PAG1: variants seen among roughly 807,000 people sequenced by gnomAD.
The protein encoded by PAG1 is phosphoprotein membrane anchor with glycosphingolipid microdomains 1.
A neutral mutation model predicts 31.7 loss-of-function variants in PAG1; 23 were observed. That is an observed-to-expected ratio of 0.73 (90% CI 0.52 to 1.03). The LOEUF (loss-of-function observed/expected upper bound fraction) is 1.03. Among genes scored for constraint, PAG1 ranks in the 50% least tolerant of loss-of-function variants. The pLI is 0.00. For missense variants in PAG1, 473 were observed against 540.7 expected (o/e 0.87, Z 1.24); for synonymous variants, 214 against 210.3 (o/e 1.02, Z -0.15).
chr8:81,104,535 G>A (rs1285217556), intron 1 of PAG1, among the ~76,000 whole-genome samples: 1 of 152,018 alleles, frequency 6.6e-6, no homozygotes, highest in Non-Finnish European at 1.5e-5. Flanking sequence ...ACTGCCAATT[G>A]CATCTCAGGT....
intron 2 of PAG1, among the ~76,000 whole-genome samples, chr8:81,051,788 A>G (rs887083580): frequency 6.6e-6 from 1 of 152,184 alleles, no homozygotes; most frequent in Non-Finnish European, 1.5e-5. Context: ...AGTTACGTAA[A>G]AAATGCATTT....
intron 1 of PAG1, among the ~76,000 whole-genome samples, chr8:81,081,451 T>C (rs917985828): frequency 2.6e-5 from 4 of 152,172 alleles, no homozygotes; most frequent in African/African-American, 9.7e-5. Context: ...CCCTCACTGG[T>C]AACTTCTTGC....
chr8:81,013,756 T>A (rs1335618187), intron 3 of PAG1, among the ~76,000 whole-genome samples: 3 of 152,150 alleles, frequency 2.0e-5, no homozygotes, highest in Non-Finnish European at 4.4e-5. Flanking sequence ...ATTTTTGTAT[T>A]TTTTGTAGAG....
At chr8:81,007,636 C>CAAAAAAA (rs58612249) in intron 3 of PAG1, among the ~76,000 whole-genome samples, 2 of 49,704 alleles carry the variant, frequency 4.0e-5, no homozygotes, top group African/African-American at 1.7e-4. Context: ...GACTCTGTCT[C>CAAAAAAA]AAAAAAAAAA....
chr8:81,073,818 G>A (rs1809132129), intron 1 of PAG1, among the ~76,000 whole-genome samples: 1 of 152,212 alleles, frequency 6.6e-6, no homozygotes, highest in African/African-American at 2.4e-5. Flanking sequence ...TGTGGAGGTA[G>A]GGACTGCCTG....
At chr8:81,035,104 A>G (rs1808441673) in intron 2 of PAG1, among the ~76,000 whole-genome samples, 1 of 152,162 alleles carries the variant, frequency 6.6e-6, no homozygotes. Flanking sequence ...GCTATCAGCA[A>G]AGAGTAAATA....
intron 2 of PAG1, among the ~76,000 whole-genome samples, chr8:81,052,378 C>A (rs1322176664): frequency 6.6e-6 from 1 of 152,112 alleles, no homozygotes; most frequent in Admixed American, 6.6e-5. Context: ...TCAGTAGCCC[C>A]CACCACTGCA....
At chr8:81,042,707 A>G (rs1206947666) in intron 2 of PAG1, among the ~76,000 whole-genome samples, 1 of 152,228 alleles carries the variant, frequency 6.6e-6, no homozygotes, top group East Asian at 1.9e-4. Context: ...GAAAACACAG[A>G]CAGGAACAAG....
chr8:81,048,660 T>C (rs755282824), intron 2 of PAG1, among the ~76,000 whole-genome samples: 1 of 152,230 alleles, frequency 6.6e-6, no homozygotes. Flanking sequence ...TTTTATCTTA[T>C]CTTTCAGTTT....
At chr8:80,978,471 G>T (rs1807228711) in intron 8 of PAG1, among the ~76,000 whole-genome samples, 1 of 152,172 alleles carries the variant, frequency 6.6e-6, no homozygotes, top group Admixed American at 6.5e-5. Context: ...ATGGTGAGGG[G>T]AGACGGCATA....
At chr8:81,076,384 G>A (rs1809178200) in intron 1 of PAG1, among the ~76,000 whole-genome samples, 1 of 152,198 alleles carries the variant, frequency 6.6e-6, no homozygotes, top group Admixed American at 6.5e-5. Flanking sequence ...GTGACTAGAT[G>A]GGCCTGAGGT....
At chr8:81,103,153 GGA>G (rs1563431761) in intron 1 of PAG1, among the ~76,000 whole-genome samples, 1 of 140,598 alleles carries the variant, frequency 7.1e-6, no homozygotes. Context: ...TCATTTTGTG[GGA>G]AAAAAAAAAA....
At chr8:81,000,466 G>A (rs1021051093) in intron 3 of PAG1, among the ~76,000 whole-genome samples, 1 of 152,126 alleles carries the variant, frequency 6.6e-6, no homozygotes, top group African/African-American at 2.4e-5. Context: ...CCAGGCTGGA[G>A]TGCAGTGGCG....
At chr8:81,002,086 G>A (rs1213441051) in intron 3 of PAG1, among the ~76,000 whole-genome samples, 1 of 152,194 alleles carries the variant, frequency 6.6e-6, no homozygotes, top group Non-Finnish European at 1.5e-5. Context: ...CACCAGCTTT[G>A]CTGTGATGGA....
At chr8:81,026,652 C>T (rs1041871545) in intron 3 of PAG1, among the ~76,000 whole-genome samples, 2 of 151,934 alleles carry the variant, frequency 1.3e-5, no homozygotes, top group African/African-American at 4.8e-5. Context: ...TCAGTGGTTA[C>T]CGGAAATTCC....
At chr8:81,096,755 G>C (rs1442696319) in intron 1 of PAG1, among the ~76,000 whole-genome samples, 2 of 152,174 alleles carry the variant, frequency 1.3e-5, no homozygotes, top group African/African-American at 4.8e-5. Flanking sequence ...AGGATGCCCA[G>C]TTAAGAAAGG....
At position 81,076,143 on chromosome 8, in the gene PAG1, C is replaced by A. The variant is rs956895689; in HGVS notation, c.-233-5973G>T. ...TTCTGCTTTCAAGAGAAAATGCCAG[C>A]AATGACTTCTTATCTGATCCTTTCC... On this transcript the variant is annotated intron_variant, in intron 1 of 8. Coordinates refer to ENST00000220597, the MANE Select transcript of PAG1 (RefSeq NM_018440.4). Among the ~76,000 whole-genome samples, 6 of 152,356 alleles carry A rather than the reference C, an allele frequency of 3.9e-5. No homozygotes were observed. In the East Asian group the frequency reaches 1.2e-3, roughly 29 times the overall value.
At chr8:81,082,917 T>C (rs11986536) in intron 1 of PAG1, among the ~76,000 whole-genome samples, 10,330 of 152,214 alleles carry the variant, frequency 0.068, 1,173 homozygotes, top group African/African-American at 0.23. Flanking sequence ...ACTGCTTTTT[T>C]TTTTCTTCAT....
intron 2 of PAG1, among the ~76,000 whole-genome samples, chr8:81,062,023 T>C (rs1469607852): frequency 6.6e-6 from 1 of 152,218 alleles, no homozygotes; most frequent in East Asian, 1.9e-4. Context: ...AAATACTACA[T>C]ATTTATTATA....
Sources: allele counts gnomAD v4.1 joint callset (sites outside exome capture counted in the v4.1 genomes callset), GRCh38; gene constraint gnomAD v4.1.1; transcripts MANE v1.5; gene names NCBI Gene and HGNC (gene_info 2026-07-23, HGNC 2026-07-21).